The following INTS2 variants were observed in gnomAD, a reference collection of about 807,000 sequenced individuals.
The protein encoded by INTS2 is KIAA1287.
Under a neutral mutation model 139.6 loss-of-function variants are expected in INTS2, and 57 were observed. That is an observed-to-expected ratio of 0.41 (90% CI 0.33 to 0.51). INTS2 has a LOEUF of 0.51. Ranked by LOEUF, INTS2 falls within the 20% of genes least tolerant of loss-of-function variation. The pLI is 0.28. For synonymous variants in INTS2, 473 were observed against 493.4 expected (o/e 0.96, Z 0.55); for missense variants, 1,196 against 1,436.7 (o/e 0.83, Z 2.71).
chr17:61,890,443 C>A (rs1273527254), intron 14 of INTS2, among the ~76,000 whole-genome samples: 1 of 151,284 alleles, frequency 6.6e-6, no homozygotes, highest in Non-Finnish European at 1.5e-5. Flanking sequence ...AACCCTGTCT[C>A]TACTAAAAAT....
chr17:61,876,999 T>C lies in INTS2; in HGVS notation c.2456+888A>G, dbSNP rs759407310. 6.6e-5 allele frequency among the ~76,000 whole-genome samples: 10 copies of C among 152,218 alleles called. No individual in the cohort carries two copies. Among genetic ancestry groups the C allele is most frequent in the Non-Finnish European group, 1.2e-4 (8 of 68,040 alleles). On this transcript the variant is annotated intron_variant, in intron 18 of 24. Coordinates refer to ENST00000251334, the MANE Select transcript of INTS2 (RefSeq NM_001351695.2). This position sits in a 1 kb window ranked among gnomAD's most constrained non-coding sequence, Gnocchi z 4.1. ...GAAACCACTTCTGTAGTCATAATAA[T>C]ATGCATTTGAAATATTGCTTTAACA...
rs781780670 is a variant in INTS2, at chr17:61,869,394, A to G, written c.3031-14T>C. ...ACATGGATAACCCTATCTCAACAAG[A>G]AACGGGAAAAAAGTCAGAAATAAAA... On this transcript the variant is annotated splice_polypyrimidine_tract_variant and intron_variant, in intron 21 of 24. Transcript: ENST00000251334. The surrounding 1 kb of genome is among the most constrained non-coding windows in gnomAD (Gnocchi z 5.4). The G allele has an allele frequency of 6.7e-7, 1 of 1,493,734 alleles. No homozygotes were observed. Among genetic ancestry groups the G allele is most frequent in the East Asian group, 2.3e-5 (1 of 42,814 alleles). The allele number at this position is 1,493,734 out of a possible 1,614,324, so 92.5% of individuals were successfully genotyped here.
chr17:61,903,612 T>C (rs112555629), intron 9 of INTS2, among the ~76,000 whole-genome samples: 1,990 of 147,356 alleles, frequency 0.014, 17 homozygotes, highest in Middle Eastern at 0.025. Context: ...ATGGTACATA[T>C]AACACCAAGA....
chr17:61,925,319 G>A (rs1028790885), intron 2 of INTS2, among the ~76,000 whole-genome samples: 6 of 152,158 alleles, frequency 3.9e-5, no homozygotes, highest in South Asian at 2.1e-4. Context: ...AGTGGCTCAC[G>A]CCGGTAATCC....
chr17:61,900,793 A>G (rs2079397179), intron 9 of INTS2, among the ~76,000 whole-genome samples: 1 of 151,924 alleles, frequency 6.6e-6, no homozygotes. Flanking sequence ...CCCCATCTCC[A>G]CTAAAAATAC....
intron 5 of INTS2, among the ~76,000 whole-genome samples, chr17:61,912,547 G>T (rs926288574): frequency 6.6e-6 from 1 of 151,858 alleles, no homozygotes. Flanking sequence ...CGCTTGAACT[G>T]GGAGGTGGAG....
Position 61,897,433 on chromosome 17 carries a change from C to CTTT in INTS2, c.1494+33_1494+35dup. ...AACAAAATGTCCAGCTTAGAAACACCTTTTTTTTTTTAGAAAGAAGTTAAA... is the reference window on the plus strand; with the variant it reads ...AACAAAATGTCCAGCTTAGAAACACCTTTTTTTTTTTTTTAGAAAGAAGTTAAA... On this transcript the variant is annotated intron_variant, in intron 11 of 24. Coordinates refer to ENST00000251334, the MANE Select transcript of INTS2 (RefSeq NM_001351695.2). The surrounding 1 kb of genome is among the most constrained non-coding windows in gnomAD (Gnocchi z 4.4). The CTTT allele has an allele frequency of 4.0e-6, 4 of 990,114 alleles. No homozygotes were observed. The highest frequency in any genetic ancestry group is 5.6e-6 in the Non-Finnish European group (4 of 710,726). 61.3% of individuals were successfully genotyped at this position (990,114 alleles called of 1,614,324 possible). A position where few individuals can be genotyped will look rare whatever the true frequency, so the allele number is the denominator to read the frequency against.
intron 5 of INTS2, among the ~76,000 whole-genome samples, chr17:61,912,781 C>G (rs1230771082): frequency 1.3e-5 from 2 of 151,840 alleles, no homozygotes; most frequent in African/African-American, 4.8e-5. Flanking sequence ...AAAAGAAAAT[C>G]TTAAAAGTAA....
chr17:61,905,764 C>G (rs1433543257), intron 8 of INTS2, among the ~76,000 whole-genome samples: 2 of 152,170 alleles, frequency 1.3e-5, no homozygotes, highest in Non-Finnish European at 2.9e-5. Context: ...ATGGTGCAAT[C>G]TTAGCTCACC....
At chr17:61,895,696 G>T (rs1463657360) in intron 11 of INTS2, among the ~76,000 whole-genome samples, 1 of 152,036 alleles carries the variant, frequency 6.6e-6, no homozygotes, top group Non-Finnish European at 1.5e-5. Context: ...GTGTGTATGT[G>T]TGTGTCTGTG....
chr17:61,923,626 C>T (rs537278041), intron 3 of INTS2, among the ~76,000 whole-genome samples: 1 of 151,980 alleles, frequency 6.6e-6, no homozygotes, highest in Non-Finnish European at 1.5e-5. Flanking sequence ...ACTGACTCCC[C>T]AAAATTATAA....
In INTS2 at chr17:61,927,932, C is replaced by A. The variant is rs764764081; in HGVS notation, c.-297G>T. 17 of 1,613,892 alleles carry A rather than the reference C, an allele frequency of 1.1e-5. No individual in the cohort carries two copies. The highest frequency in any genetic ancestry group is 1.6e-4 in the Middle Eastern group (1 of 6,084). Reference sequence around the variant, plus strand: ...GGAGACTTTTTCAACCTGCACCCAGCACCTTCATTCATCCCCAGCGTCTGA... The same window carrying A: ...GGAGACTTTTTCAACCTGCACCCAGAACCTTCATTCATCCCCAGCGTCTGA... On this transcript the variant is annotated 5_prime_UTR_variant, in exon 1 of 25. Transcript: ENST00000251334.
intron 8 of INTS2, among the ~76,000 whole-genome samples, chr17:61,906,594 C>T (rs1033468452): frequency 6.6e-6 from 1 of 152,002 alleles, no homozygotes; most frequent in Non-Finnish European, 1.5e-5. Flanking sequence ...AATAAACTGG[C>T]GTAACTGAAA....
chr17:61,890,600 ACT>A (rs1408742258), intron 14 of INTS2, among the ~76,000 whole-genome samples: 2 of 130,072 alleles, frequency 1.5e-5, no homozygotes, highest in East Asian at 2.6e-4. Context: ...ACAGAGTGAG[ACT>A]CTGTCTCAAA....
Position 61,912,454 on chromosome 17 carries a change from C to T in INTS2, c.650-384G>A, listed in dbSNP as rs1219993698. 6.0e-5 allele frequency among the ~76,000 whole-genome samples: 9 copies of T among 150,948 alleles called. No homozygotes were observed. The East Asian group carries it at 1.8e-3, about 30-fold the overall frequency. On this transcript the variant is annotated intron_variant, in intron 5 of 24. Coordinates refer to ENST00000251334, the MANE Select transcript of INTS2 (RefSeq NM_001351695.2). ...CCTGGCCAACATGGTGAAACCCCAT[C>T]TCTACTAAAAATACAAAAATTAGCT...
chr17:61,899,419 T>A (rs1242160957), intron 9 of INTS2, among the ~76,000 whole-genome samples: 1 of 151,880 alleles, frequency 6.6e-6, no homozygotes, highest in Non-Finnish European at 1.5e-5. Flanking sequence ...CCCAGCTAAT[T>A]TTTTATATTT....
At chr17:61,911,866 T>C (rs926715478) in intron 6 of INTS2, 74 bp downstream of exon 6, 1 of 1,527,182 alleles carries the variant, frequency 6.5e-7, no homozygotes, top group African/African-American at 1.4e-5. Context: ...TCTACAGGAC[T>C]CTAAAACCAT....
At chr17:61,901,663 A>C (rs2079407975) in intron 9 of INTS2, among the ~76,000 whole-genome samples, 1 of 129,354 alleles carries the variant, frequency 7.7e-6, no homozygotes, top group African/African-American at 3.0e-5. Context: ...GCAGTGGCGC[A>C]ATCTCGGCTC....
intron 7 of INTS2, among the ~76,000 whole-genome samples, chr17:61,908,547 G>A (rs1279492774): frequency 2.0e-5 from 3 of 152,188 alleles, no homozygotes; most frequent in Non-Finnish European, 4.4e-5. Context: ...AGTCTGTTAA[G>A]TAGATGAATG....
Sources: allele counts gnomAD v4.1 joint callset (sites outside exome capture counted in the v4.1 genomes callset), GRCh38; gene constraint gnomAD v4.1.1; non-coding constraint Gnocchi (gnomAD v3.1); transcripts MANE v1.5; gene names NCBI Gene and HGNC (gene_info 2026-07-23, HGNC 2026-07-21).